The following CHRNA4 variants were observed in gnomAD, a reference collection of about 807,000 sequenced individuals.
The protein encoded by CHRNA4 is cholinergic receptor nicotinic alpha 4 subunit.
A neutral mutation model predicts 48.9 loss-of-function variants in CHRNA4; 28 were observed. That is an observed-to-expected ratio of 0.57 (90% CI 0.42 to 0.79). The LOEUF is 0.79. Ranked by LOEUF, CHRNA4 falls within the 30% of genes least tolerant of loss-of-function variation. The probability of loss-of-function intolerance (pLI) is 0.00; values close to 1 mark genes in which losing one functional copy is unlikely to be tolerated. For missense variants in CHRNA4, 859 were observed against 898.4 expected, an observed-to-expected ratio of 0.96 and a Z score of 0.56; for synonymous variants, 425 against 402.3, an observed-to-expected ratio of 1.06 and a Z score of -0.68.
At position 63,346,340 on chromosome 20, in the gene CHRNA4, G is replaced by A. The variant is rs2068494533; in HGVS notation, c.*398C>T. On this transcript the variant is annotated 3_prime_UTR_variant, in exon 6 of 6. Coordinates refer to ENST00000370263, the MANE Select transcript of CHRNA4 (RefSeq NM_000744.7). ...AGACGGGGCGCTTGGGGCTGAAGGG[G>A]CGTGAACTCCCTTCAAGGGCCCCTT... 3 of 462,672 alleles carry A rather than the reference G, an allele frequency of 6.5e-6. No homozygotes were observed. Among genetic ancestry groups the A allele is most frequent in the African/African-American group, 6.0e-5 (3 of 50,418 alleles). The allele number at this position is 462,672 out of a possible 1,614,324, so 28.7% of individuals were successfully genotyped here.
chr20:63,359,990 T>C, intron 1 of CHRNA4: 1 of 416,392 alleles, frequency 2.4e-6, no homozygotes, highest in South Asian at 2.3e-5. Flanking sequence ...CTGGGTGTAA[T>C]TGTGATTTCC....
At chr20:63,348,210 G>A (rs534737572) in intron 5 of CHRNA4, among the ~76,000 whole-genome samples, 46 of 152,168 alleles carry the variant, frequency 3.0e-4, no homozygotes, top group Non-Finnish European at 4.9e-4. Flanking sequence ...GGCCCAGGGC[G>A]CGCGACCGCC....
At chr20:63,355,829 G>T in intron 4 of CHRNA4, 146 bp downstream of exon 4, 1 of 1,151,134 alleles carries the variant, frequency 8.7e-7, no homozygotes, top group Non-Finnish European at 1.3e-6. Context: ...TCCTTCCTGG[G>T]CCTGGGCTGG....
intron 4 of CHRNA4, among the ~76,000 whole-genome samples, chr20:63,351,330 G>A (rs893085653): frequency 4.6e-5 from 7 of 152,160 alleles, no homozygotes; most frequent in South Asian, 2.1e-4. Flanking sequence ...TACACTGTTC[G>A]TCTTCTCACC....
chr20:63,350,272 C>G lies in CHRNA4; in HGVS notation c.1139G>C (p.Ser380Thr), dbSNP rs1601474256. Residue 380 changes from serine to threonine, a missense_variant, in exon 5 of 6, where the codon AGT (serine) becomes ACT (threonine). Transcript: ENST00000370263. The stretch of plus-strand genomic sequence containing the variant: ...TGGCTCGGGCCAGAAGCGCGGGGCA[C>G]TGGCCATCTTATGCATGGACTCGAT... ...RLIESMHKMA[S>T]APRFWPEPEG... 6 of 1,611,904 alleles carry G rather than the reference C, an allele frequency of 3.7e-6. No individual in the cohort carries two copies. The highest frequency in any genetic ancestry group is 4.2e-6 in the Non-Finnish European group (5 of 1,179,700).
rs1169429225 is a variant in CHRNA4 at position 63,344,052 on chromosome 20, A to G, written c.*2686T>C. 7 of 454,084 alleles carry G rather than the reference A, an allele frequency of 1.5e-5. No homozygotes were observed. Among genetic ancestry groups the G allele is most frequent in the Admixed American group, 7.0e-5 (3 of 42,566 alleles). The allele number at this position is 454,084 out of a possible 1,614,324, so 28.1% of individuals were successfully genotyped here. On this transcript the variant is annotated 3_prime_UTR_variant, in exon 6 of 6. Coordinates refer to ENST00000370263, the MANE Select transcript of CHRNA4 (RefSeq NM_000744.7). This position sits in a 1 kb window ranked among gnomAD's most constrained non-coding sequence, Gnocchi z 4.5. ...TTCCTAATCACCGACAGCTGCAAGC[A>G]AAGTCCACTAACAGGTGATGGACAA... is the stretch of plus-strand genomic sequence containing the variant.
At chr20:63,355,483 G>A (rs1351167695) in intron 4 of CHRNA4, 15 of 1,279,914 alleles carry the variant, frequency 1.2e-5, no homozygotes, top group Non-Finnish European at 1.5e-5. Flanking sequence ...AGAACCATCT[G>A]GGGCTTCCTC....
chr20:63,352,780 A>G (rs6011778), intron 4 of CHRNA4, among the ~76,000 whole-genome samples: 13,627 of 152,032 alleles, frequency 0.09, 612 homozygotes, highest in Middle Eastern at 0.19. Context: ...CCCCTCCCCC[A>G]GGGTCCTCTG....
intron 4 of CHRNA4, 33 bp downstream of exon 4, chr20:63,355,942 C>G: frequency 6.2e-7 from 1 of 1,608,882 alleles, no homozygotes; most frequent in Non-Finnish European, 8.5e-7. Context: ...CACCAAGGCC[C>G]TGTAGAGGAC....
intron 2 of CHRNA4, chr20:63,359,347 G>C: frequency 1.9e-5 from 13 of 689,612 alleles, no homozygotes; most frequent in South Asian, 6.8e-5. Flanking sequence ...GGCAGGGCCT[G>C]GCTGGGACGC....
Position 63,344,242 on chromosome 20 carries a change from G to A in CHRNA4, c.*2496C>T, listed in dbSNP as rs775712921. 6.8e-5 allele frequency: 31 copies of A among 453,922 alleles called. No individual in the cohort carries two copies. The highest frequency in any genetic ancestry group is 4.2e-4 in the South Asian group (27 of 64,456). The allele number at this position is 453,922 out of a possible 1,614,324, so 28.1% of individuals were successfully genotyped here. ...TCCAACTGCAGGATTCTGACTCCTCGAAGGTCGTGAGCCGGAGAGGTCAAT... is the reference window on the plus strand; with the variant it reads ...TCCAACTGCAGGATTCTGACTCCTCAAAGGTCGTGAGCCGGAGAGGTCAAT... On this transcript the variant is annotated 3_prime_UTR_variant, in exon 6 of 6. Coordinates refer to ENST00000370263, the MANE Select transcript of CHRNA4 (RefSeq NM_000744.7). This position sits in a 1 kb window ranked among gnomAD's most constrained non-coding sequence, Gnocchi z 4.5.
rs561073516 is a variant in CHRNA4, at chr20:63,350,137, G to A, written c.1274C>T (p.Pro425Leu). 7 of 1,569,368 alleles carry A rather than the reference G, an allele frequency of 4.5e-6. No homozygotes were observed. The highest frequency in any genetic ancestry group is 2.3e-5 in the East Asian group (1 of 43,266). The change falls in exon 5 of 6, where the codon CCC (proline) becomes CTC (leucine). Residue 425 changes from proline (P) to leucine (L), a missense_variant. By Grantham distance (98) the Pro-to-Leu change is moderately conservative. Around this residue, in one of 3 missense-constraint regions of CHRNA4, gnomAD observed 478 missense variants for 455.4 expected, o/e 1.05. Transcript: ENST00000370263. Reference sequence around the variant, plus strand: ...CTGCTGAGGAGGGAGCTGGTCGGAGGGTGACTTGCAGGAAGGCCCAGGCTC... The same window carrying A: ...CTGCTGAGGAGGGAGCTGGTCGGAGAGTGACTTGCAGGAAGGCCCAGGCTC... Reference protein sequence around the residue: ...PAEPGPSCKSPSDQLPPQQPL... With the variant: ...PAEPGPSCKSLSDQLPPQQPL...
At chr20:63,349,493 G>T in intron 5 of CHRNA4, 160 bp downstream of exon 5, 1 of 966,644 alleles carries the variant, frequency 1.0e-6, no homozygotes, top group Non-Finnish European at 1.6e-6. Context: ...CACATAGCAG[G>T]CTTGGGAAGA....
In CHRNA4 at chr20:63,350,138, G is replaced by A. The variant is rs764808511; in HGVS notation, c.1273C>T (p.Pro425Ser). Reference sequence around the variant, plus strand: ...TGCTGAGGAGGGAGCTGGTCGGAGGGTGACTTGCAGGAAGGCCCAGGCTCA... The same window carrying A: ...TGCTGAGGAGGGAGCTGGTCGGAGGATGACTTGCAGGAAGGCCCAGGCTCA... ...PAEPGPSCKSPSDQLPPQQPL... is the reference protein window; with the variant it reads ...PAEPGPSCKSSSDQLPPQQPL... Residue 425 changes from proline (P) to serine (S), a missense_variant, in exon 5 of 6, where the codon CCC becomes TCC. Pro to Ser is a moderately conservative substitution (Grantham distance 74). Coordinates refer to ENST00000370263, the MANE Select transcript of CHRNA4 (RefSeq NM_000744.7). 7.6e-6 allele frequency: 12 copies of A among 1,569,658 alleles called. No homozygotes were observed. The highest frequency in any genetic ancestry group is 4.7e-5 in the South Asian group (4 of 85,832).
rs555123834 is a variant in CHRNA4, at chr20:63,343,340, G to C, written c.*3398C>G. 4.4e-6 allele frequency: 2 copies of C among 451,628 alleles called. No homozygotes were observed. The highest frequency in any genetic ancestry group is 4.0e-5 in the African/African-American group (2 of 49,958). The allele number at this position is 451,628 out of a possible 1,614,324, so 28.0% of individuals were successfully genotyped here. A position where few individuals can be genotyped will look rare whatever the true frequency, so the allele number is the denominator to read the frequency against. On this transcript the variant is annotated 3_prime_UTR_variant, in exon 6 of 6. Transcript: ENST00000370263. ...CGCACCTGGGCTCGGCGGGCCACAC[G>C]GTCGGCGGGGCTTGGTCCATGGGGC...
In CHRNA4 at chr20:63,361,320, C is replaced by G. The variant is rs1188309157; in HGVS notation, c.-155G>C. On this transcript the variant is annotated 5_prime_UTR_variant, in exon 1 of 6. Transcript: ENST00000370263. ...TCTCCTGTGGGGCGCGGTGCGGCGGCGGCGCGGCAGGGAGCGCCGGGCTGT... is the reference window on the plus strand; with the variant it reads ...TCTCCTGTGGGGCGCGGTGCGGCGGGGGCGCGGCAGGGAGCGCCGGGCTGT... 1 of 1,155,330 alleles carries G rather than the reference C, an allele frequency of 8.7e-7. No homozygotes were observed. The highest frequency in any genetic ancestry group is 2.9e-5 in the South Asian group (1 of 34,404). 71.6% of individuals were successfully genotyped at this position (1,155,330 alleles called of 1,614,324 possible).
In CHRNA4 at chr20:63,359,629, G is replaced by C. The variant is rs201484306; in HGVS notation, c.147C>G (p.Asn49Lys). 8 of 1,612,484 alleles carry C rather than the reference G, an allele frequency of 5.0e-6. No individual in the cohort carries two copies. The highest frequency in any genetic ancestry group is 5.9e-6 in the Non-Finnish European group (7 of 1,179,878). ...RLLKKLFSGYNKWSRPVANIS... is the reference protein window; with the variant it reads ...RLLKKLFSGYKKWSRPVANIS... ...TGTTGGCCACGGGTCGGGACCACTT[G>C]TTGTAACCGGAGAAGAGTTTCTTCA... Residue 49 changes from asparagine (N) to lysine (K), a missense_variant, in exon 2 of 6, where the codon AAC becomes AAG. Around this residue, in one of 3 missense-constraint regions of CHRNA4, gnomAD observed 342 missense variants for 365.3 expected, o/e 0.94. Transcript: ENST00000370263.
Position 63,350,917 on chromosome 20 carries a change from A to G in CHRNA4, c.494T>C (p.Val165Ala). ...AIYKSSCSID[V>A]TFFPFDQQNC... ...CTGCTGGTCGAAGGGGAAGAAGGTG[A>G]CGTCGATGCTGCAGGAGCTCTTGTA... is the stretch of plus-strand genomic sequence containing the variant. Residue 165 changes from valine to alanine, a missense_variant, in exon 5 of 6, where the codon GTC (valine) becomes GCC (alanine). By Grantham distance (64) the Val-to-Ala change is moderately conservative. This residue lies in a region of CHRNA4 where 342 missense variants were observed against 365.3 expected (regional missense o/e 0.94). Coordinates refer to ENST00000370263, the MANE Select transcript of CHRNA4 (RefSeq NM_000744.7). 1.2e-6 allele frequency: 2 copies of G among 1,613,934 alleles called. No individual in the cohort carries two copies. The highest frequency in any genetic ancestry group is 1.7e-6 in the Non-Finnish European group (2 of 1,179,996).
At position 63,349,646 on chromosome 20, in the gene CHRNA4, G is replaced by A. The variant is rs200196277; in HGVS notation, c.1758+7C>T. ...AGGCGCCCAACACAGCCATGGGCGG[G>A]ACTTACCGAGAAGTCTGTGTCTTCG... On this transcript the variant is annotated splice_region_variant and intron_variant, in intron 5 of 5. Coordinates refer to ENST00000370263, the MANE Select transcript of CHRNA4 (RefSeq NM_000744.7). The A allele has an allele frequency of 5.6e-6, 9 of 1,612,740 alleles. No homozygotes were observed. Among genetic ancestry groups the A allele is most frequent in the Non-Finnish European group, 7.6e-6 (9 of 1,179,896 alleles).
Sources: gnomAD v4.1 joint callset for allele counts (sites outside exome capture counted in the v4.1 genomes callset) on GRCh38, gnomAD v4.1.1 for gene constraint, gnomAD v4.1.1 regional missense constraint, Gnocchi (gnomAD v3.1) non-coding constraint, MANE v1.5 for transcripts, NCBI Gene and HGNC (gene_info 2026-07-23, HGNC 2026-07-21) for gene names.